The following BCAS3 variants were observed in gnomAD, a reference collection of about 807,000 sequenced individuals.
The protein encoded by BCAS3 is BCAS4/BCAS3 fusion.
Under a neutral mutation model 116.1 loss-of-function variants are expected in BCAS3, and 53 were observed. The observed-to-expected ratio is 0.46, with a 90% CI of 0.37 to 0.57. The LOEUF (loss-of-function observed/expected upper bound fraction) is 0.57. Among genes scored for constraint, BCAS3 ranks in the 20% least tolerant of loss-of-function variants. The pLI is 0.00. For missense variants in BCAS3, 917 were observed against 1,165.4 expected (o/e 0.79, Z 3.10); for synonymous variants, 391 against 408.2 (o/e 0.96, Z 0.51).
In BCAS3 at chr17:61,151,231, G is replaced by A. The variant is rs888257519; in HGVS notation, c.2425+66667G>A. Among the ~76,000 whole-genome samples the A allele has an allele frequency of 6.6e-6, 1 of 152,088 alleles. No homozygotes were observed. Among genetic ancestry groups the A allele is most frequent in the Non-Finnish European group, 1.5e-5 (1 of 68,002 alleles). Reference sequence around the variant, plus strand: ...ACACTCTAAGGCAATGTTCATTGGAGGATTTTCGATCTTCAGATTAGGGAT... The same window carrying A: ...ACACTCTAAGGCAATGTTCATTGGAAGATTTTCGATCTTCAGATTAGGGAT... On this transcript the variant is annotated intron_variant, in intron 22 of 23. Coordinates refer to ENST00000407086, the MANE Select transcript of BCAS3 (RefSeq NM_017679.5). The surrounding 1 kb of genome is among the most constrained non-coding windows in gnomAD (Gnocchi z 4.8).
At position 61,227,071 on chromosome 17, in the gene BCAS3, C is replaced by G. The variant is rs1031611376; in HGVS notation, c.2426-141256C>G. On this transcript the variant is annotated intron_variant, in intron 22 of 23. Transcript: ENST00000407086. This position sits in a 1 kb window ranked among gnomAD's most constrained non-coding sequence, Gnocchi z 6.1. ...GAGGTGGTTAACTGTGTGCAACGCC[C>G]CTTTCCCATAGGTTATGGTTACTCC... is the stretch of plus-strand genomic sequence containing the variant. Among the ~76,000 whole-genome samples, 16 of 152,138 alleles carry G rather than the reference C, an allele frequency of 1.1e-4. No homozygotes were observed. Among genetic ancestry groups the G allele is most frequent in the African/African-American group, 3.9e-4 (16 of 41,420 alleles).
At chr17:60,820,626 T>C (rs773954645) in intron 7 of BCAS3, among the ~76,000 whole-genome samples, 4 of 152,184 alleles carry the variant, frequency 2.6e-5, no homozygotes, top group Non-Finnish European at 4.4e-5. Context: ...AATTAGAACA[T>C]TTAAAAGTTG....
At chr17:61,254,125 G>A (rs1041188049) in intron 22 of BCAS3, among the ~76,000 whole-genome samples, 2 of 152,210 alleles carry the variant, frequency 1.3e-5, no homozygotes, top group African/African-American at 2.4e-5. Context: ...CAAGAGAGCC[G>A]GCCTCCTTCC....
intron 6 of BCAS3, among the ~76,000 whole-genome samples, chr17:60,790,572 G>C (rs1287625693): frequency 6.6e-6 from 1 of 152,066 alleles, no homozygotes; most frequent in Non-Finnish European, 1.5e-5. Flanking sequence ...TTTAGCAGGA[G>C]TAATGGCACA....
At chr17:60,800,834 A>G (rs1213679734) in intron 6 of BCAS3, among the ~76,000 whole-genome samples, 2 of 152,000 alleles carry the variant, frequency 1.3e-5, no homozygotes, top group African/African-American at 4.8e-5. Flanking sequence ...TTCTTCCTCC[A>G]TTGAATTGCT....
intron 14 of BCAS3, among the ~76,000 whole-genome samples, chr17:60,955,315 T>A (rs936470728): frequency 1.3e-5 from 2 of 152,124 alleles, no homozygotes; most frequent in African/African-American, 2.4e-5. Context: ...CACCATCTAA[T>A]TTTGAAAGTC....
chr17:61,233,391 G>A lies in BCAS3; in HGVS notation c.2426-134936G>A, dbSNP rs1357595803. 1.2e-4 allele frequency among the ~76,000 whole-genome samples: 18 copies of A among 152,330 alleles called. No individual in the cohort carries two copies. Among genetic ancestry groups the A allele is most frequent in the African/African-American group, 4.3e-4 (18 of 41,578 alleles). ...CAGAAGTGATTCTACAACTAAAGATGCCAATCAACTAAGCTTGTATTGGTT... is the reference window on the plus strand; with the variant it reads ...CAGAAGTGATTCTACAACTAAAGATACCAATCAACTAAGCTTGTATTGGTT... On this transcript the variant is annotated intron_variant, in intron 22 of 23. Transcript: ENST00000407086. The surrounding 1 kb of genome is among the most constrained non-coding windows in gnomAD (Gnocchi z 4.3).
intron 22 of BCAS3, among the ~76,000 whole-genome samples, chr17:61,338,886 G>A (rs1378985161): frequency 2.4e-5 from 2 of 84,556 alleles, no homozygotes; most frequent in Middle Eastern, 6.9e-3. Context: ...TGCCCTTACT[G>A]GGAAAAAAAA....
chr17:61,170,053 C>T (rs1367429176), intron 22 of BCAS3, among the ~76,000 whole-genome samples: 1 of 151,850 alleles, frequency 6.6e-6, no homozygotes, highest in Non-Finnish European at 1.5e-5. Context: ...CGGGGTTTCA[C>T]CACGTTGGCC....
intron 6 of BCAS3, among the ~76,000 whole-genome samples, chr17:60,772,783 G>T (rs2044855481): frequency 6.6e-6 from 1 of 152,142 alleles, no homozygotes; most frequent in African/African-American, 2.4e-5. Flanking sequence ...TGAGGCAGGA[G>T]AATCGCTTGA....
intron 7 of BCAS3, among the ~76,000 whole-genome samples, chr17:60,821,448 A>G (rs1156280721): frequency 6.6e-6 from 1 of 152,158 alleles, no homozygotes; most frequent in Non-Finnish European, 1.5e-5. Context: ...CTCTTTCTAC[A>G]AACAAGACAA....
At chr17:61,114,658 T>C (rs1223805005) in intron 22 of BCAS3, among the ~76,000 whole-genome samples, 1 of 152,054 alleles carries the variant, frequency 6.6e-6, no homozygotes, top group African/African-American at 2.4e-5. Context: ...AAAATGGCCA[T>C]ACTGCCCAAG....
intron 14 of BCAS3, among the ~76,000 whole-genome samples, chr17:60,965,818 G>A (rs1417341650): frequency 6.6e-6 from 1 of 152,172 alleles, no homozygotes; most frequent in Non-Finnish European, 1.5e-5. Context: ...GTATGCTGCA[G>A]CAGTTGGATA....
rs183732075 is a variant in BCAS3, at chr17:60,845,049, T to A, written c.477-23527T>A. 1.2e-4 allele frequency among the ~76,000 whole-genome samples: 19 copies of A among 152,144 alleles called. No individual in the cohort carries two copies. The South Asian group carries it at 3.5e-3, about 28-fold the overall frequency. Reference sequence around the variant, plus strand: ...GTTCCAGACCAGACTGACCAACATGTTGAAACCCCTTCTCTACTAAAAATA... The same window carrying A: ...GTTCCAGACCAGACTGACCAACATGATGAAACCCCTTCTCTACTAAAAATA... On this transcript the variant is annotated intron_variant, in intron 7 of 23. Coordinates refer to ENST00000407086, the MANE Select transcript of BCAS3 (RefSeq NM_017679.5).
At chr17:61,283,021 G>C (rs1216276629) in intron 22 of BCAS3, among the ~76,000 whole-genome samples, 1 of 151,160 alleles carries the variant, frequency 6.6e-6, no homozygotes, top group Non-Finnish European at 1.5e-5. Flanking sequence ...TCAGCCCATG[G>C]CATCTTTTAT....
chr17:60,880,530 C>A (rs567806267), intron 9 of BCAS3, among the ~76,000 whole-genome samples: 1 of 152,152 alleles, frequency 6.6e-6, no homozygotes, highest in South Asian at 2.1e-4. Flanking sequence ...CCTCATGATC[C>A]GTCCTCCTTG....
At chr17:60,781,724 G>A (rs1403200108) in intron 6 of BCAS3, among the ~76,000 whole-genome samples, 1 of 151,826 alleles carries the variant, frequency 6.6e-6, no homozygotes, top group Non-Finnish European at 1.5e-5. Context: ...AATTTTAAAA[G>A]ACATTTTTAT....
intron 5 of BCAS3, among the ~76,000 whole-genome samples, chr17:60,709,839 C>A (rs1458774518): frequency 6.6e-6 from 1 of 152,098 alleles, no homozygotes; most frequent in East Asian, 1.9e-4. Flanking sequence ...TTTTGGGTGA[C>A]CAAACATAAA....
intron 22 of BCAS3, among the ~76,000 whole-genome samples, chr17:61,301,050 A>G (rs1172633716): frequency 6.6e-6 from 1 of 152,262 alleles, no homozygotes; most frequent in Admixed American, 6.5e-5. Flanking sequence ...TTAACATATT[A>G]ACTAAACAGA....
Sources: allele counts gnomAD v4.1 joint callset (sites outside exome capture counted in the v4.1 genomes callset), GRCh38; gene constraint gnomAD v4.1.1; non-coding constraint Gnocchi (gnomAD v3.1); transcripts MANE v1.5; gene names NCBI Gene and HGNC (gene_info 2026-07-23, HGNC 2026-07-21).